The following HACD1 variants were observed in gnomAD, a reference collection of about 807,000 sequenced individuals.
The protein encoded by HACD1 is 3-hydroxyacyl-CoA dehydratase 1.
Under a neutral mutation model 32.0 loss-of-function variants are expected in HACD1, and 41 were observed. The observed-to-expected ratio is 1.28, with a 90% CI of 1.00 to 1.66. HACD1 has a LOEUF of 1.66. Ranked by LOEUF, HACD1 falls within the 40% of genes most tolerant of loss-of-function variation. The pLI is 0.00. For synonymous variants in HACD1, 142 were observed against 139.0 expected, an observed-to-expected ratio of 1.02 and a Z score of -0.15; for missense variants, 396 against 380.1, an observed-to-expected ratio of 1.04 and a Z score of -0.35.
In HACD1 at chr10:17,617,226, G is replaced by A; in HGVS notation, c.114C>T (p.Ala38=). ...CGTCCTCGTCGCTGGACGCCATGGTGGCCGCGCACCTGGGGGACGTGGGAG... is the reference window on the plus strand; with the variant it reads ...CGTCCTCGTCGCTGGACGCCATGGTAGCCGCGCACCTGGGGGACGTGGGAG... ...PLSPTSPRCA[A]TMASSDEDGT... Residue 38 remains alanine, a synonymous_variant, in exon 1 of 7, where the codon GCC becomes GCT. Transcript: ENST00000361271. 1 of 1,492,020 alleles carries A rather than the reference G, an allele frequency of 6.7e-7. No homozygotes were observed. The highest frequency in any genetic ancestry group is 8.9e-7 in the Non-Finnish European group (1 of 1,126,224). The allele number at this position is 1,492,020 out of a possible 1,614,324, so 92.4% of individuals were successfully genotyped here.
At chr10:17,613,721 G>T (rs556884336) in intron 1 of HACD1, among the ~76,000 whole-genome samples, 14 of 152,304 alleles carry the variant, frequency 9.2e-5, no homozygotes, top group Admixed American at 3.9e-4. Flanking sequence ...GCCGGGGAAG[G>T]GTCAGAGGGA....
At chr10:17,614,954 G>A (rs1416970739) in intron 1 of HACD1, among the ~76,000 whole-genome samples, 2 of 151,768 alleles carry the variant, frequency 1.3e-5, no homozygotes, top group African/African-American at 4.8e-5. Context: ...GGGTTTCGCC[G>A]TGTTAGCCAA....
intron 1 of HACD1, among the ~76,000 whole-genome samples, chr10:17,610,240 G>A (rs782741447): frequency 2.6e-5 from 4 of 152,140 alleles, no homozygotes; most frequent in Admixed American, 6.6e-5. Flanking sequence ...ATTCTACGCA[G>A]CAATAAAAGA....
At chr10:17,590,890 G>T (rs868966076) in intron 6 of HACD1, among the ~76,000 whole-genome samples, 1 of 152,102 alleles carries the variant, frequency 6.6e-6, no homozygotes, top group African/African-American at 2.4e-5. Context: ...GGTCAGCCTG[G>T]TCTTGAACTC....
intron 3 of HACD1, 25 bp downstream of exon 3, chr10:17,603,701 G>A: frequency 6.2e-7 from 1 of 1,603,324 alleles, no homozygotes; most frequent in Non-Finnish European, 8.5e-7. Context: ...TATAATAAAA[G>A]TATAAAATTG....
rs1465062770 is a variant in HACD1 at position 17,612,902 on chromosome 10, T to C, written c.257+4181A>G. Among the ~76,000 whole-genome samples, 4 of 139,024 alleles carry C rather than the reference T, an allele frequency of 2.9e-5. No homozygotes were observed. The East Asian group carries it at 6.3e-4, about 22-fold the overall frequency. 91.2% of individuals were successfully genotyped at this position (139,024 alleles called of 152,430 possible). A position where few individuals can be genotyped will look rare whatever the true frequency, so the allele number is the denominator to read the frequency against. On this transcript the variant is annotated intron_variant, in intron 1 of 6. Coordinates refer to ENST00000361271, the MANE Select transcript of HACD1 (RefSeq NM_014241.4). ...TCCCCACTGCACTCCAGCTGGGTGA[T>C]AGAGCAAGACTCCGTCTCAAAAAAA... is the stretch of plus-strand genomic sequence containing the variant.
chr10:17,590,582 C>A, intron 6 of HACD1, 136 bp from the exon 7 acceptor site: 1 of 569,348 alleles, frequency 1.8e-6, no homozygotes, highest in Non-Finnish European at 3.0e-6. Context: ...TTACAGAGCT[C>A]AAGACTATAA....
intron 1 of HACD1, among the ~76,000 whole-genome samples, chr10:17,611,522 A>AT (rs1834235885): frequency 1.3e-5 from 2 of 152,350 alleles, no homozygotes; most frequent in African/African-American, 4.8e-5. Flanking sequence ...TTATATATTA[A>AT]TGCCCCAGGT....
intron 1 of HACD1, among the ~76,000 whole-genome samples, chr10:17,609,513 C>T (rs1834200188): frequency 6.6e-6 from 1 of 152,164 alleles, no homozygotes; most frequent in South Asian, 2.1e-4. Context: ...AAGTGAAGCA[C>T]ATGAAAAGAT....
In HACD1 at chr10:17,604,023, C is replaced by T; in HGVS notation, c.282G>A (p.Met94Ile). 1 of 1,593,646 alleles carries T rather than the reference C, an allele frequency of 6.3e-7. No homozygotes were observed. The highest frequency in any genetic ancestry group is 1.2e-5 in the South Asian group (1 of 86,172). Reference protein sequence around the residue: ...TAGWLVLAIAMVRFYMEKGTH... With the variant: ...TAGWLVLAIAIVRFYMEKGTH... ...TTCCTTTTTCCATATAAAAACGTAC[C>T]ATGGCAATAGCTAGAACCAACCACC... The change falls in exon 2 of 7, where the codon ATG (methionine) becomes ATA (isoleucine). Residue 94 changes from methionine (M) to isoleucine (I), a missense_variant. Coordinates refer to ENST00000361271, the MANE Select transcript of HACD1 (RefSeq NM_014241.4).
intron 2 of HACD1, 55 bp from the exon 3 acceptor site, chr10:17,603,799 C>T: frequency 6.5e-7 from 1 of 1,545,258 alleles, no homozygotes; most frequent in Non-Finnish European, 8.9e-7. Context: ...ATTAAATAAA[C>T]CACTGTCAAC....
At chr10:17,605,983 C>G (rs186819118) in intron 1 of HACD1, among the ~76,000 whole-genome samples, 16 of 151,716 alleles carry the variant, frequency 1.1e-4, no homozygotes, top group East Asian at 5.8e-4. Flanking sequence ...AAAAAAACAG[C>G]CTGGGCAACA....
Position 17,589,424 on chromosome 10 carries a change from AG to A in HACD1, c.*939del, listed in dbSNP as rs1221062102. 3 of 152,226 alleles carry A rather than the reference AG, an allele frequency of 2.0e-5. No individual in the cohort carries two copies. The highest frequency in any genetic ancestry group is 4.4e-5 in the Non-Finnish European group (3 of 68,178). The allele number at this position is 152,226 out of a possible 1,614,324, so 9.4% of individuals were successfully genotyped here. A position where few individuals can be genotyped will look rare whatever the true frequency, so the allele number is the denominator to read the frequency against. On this transcript the variant is annotated 3_prime_UTR_variant, in exon 7 of 7. Transcript: ENST00000361271. ...CAGCCTCCCAAGCAGCTGGAACTAC[AG>A]GCATGTGTCACCATGCCTGGTTAAT...
At chr10:17,611,381 T>G (rs1448434809) in intron 1 of HACD1, among the ~76,000 whole-genome samples, 1 of 152,190 alleles carries the variant, frequency 6.6e-6, no homozygotes, top group Non-Finnish European at 1.5e-5. Flanking sequence ...CACTTATGCC[T>G]ACTTAAGTCC....
chr10:17,600,037 G>C (rs906975090), intron 4 of HACD1, among the ~76,000 whole-genome samples: 2 of 152,144 alleles, frequency 1.3e-5, no homozygotes, highest in Admixed American at 6.6e-5. Flanking sequence ...CCATATTCAA[G>C]GTTCTTTGCA....
intron 1 of HACD1, among the ~76,000 whole-genome samples, chr10:17,611,451 C>A (rs1394954269): frequency 6.6e-6 from 1 of 152,220 alleles, no homozygotes; most frequent in African/African-American, 2.4e-5. Flanking sequence ...ATTCTCCCTA[C>A]CTGTCTGTCC....
At chr10:17,612,869 C>T (rs1268921855) in intron 1 of HACD1, among the ~76,000 whole-genome samples, 3 of 150,650 alleles carry the variant, frequency 2.0e-5, no homozygotes, top group Non-Finnish European at 3.0e-5. Context: ...TTGCAGTGAG[C>T]CGAGATCTCC....
chr10:17,609,413 A>G (rs1258927840), intron 1 of HACD1, among the ~76,000 whole-genome samples: 1 of 152,032 alleles, frequency 6.6e-6, no homozygotes, highest in Non-Finnish European at 1.5e-5. Flanking sequence ...TCGCCCTCCT[A>G]AAGTGCTGGG....
rs187099376 is a variant in HACD1 at position 17,590,823 on chromosome 10, C to T, written c.785-377G>A. ...AGTAGCTGAGATTACAGGCATGCAT[C>T]ACCACCACACCTGACTAATTTTTCT... On this transcript the variant is annotated intron_variant, in intron 6 of 6. Coordinates refer to ENST00000361271, the MANE Select transcript of HACD1 (RefSeq NM_014241.4). 2.4e-3 allele frequency among the ~76,000 whole-genome samples: 367 copies of T among 152,166 alleles called. 2 individuals are homozygous for T. Among genetic ancestry groups the T allele is most frequent in the Admixed American group, 4.1e-3 (63 of 15,276 alleles).
Sources: gnomAD v4.1 joint callset for allele counts (sites outside exome capture counted in the v4.1 genomes callset) on GRCh38, gnomAD v4.1.1 for gene constraint, MANE v1.5 for transcripts, NCBI Gene and HGNC (gene_info 2026-07-23, HGNC 2026-07-21) for gene names.